Variants in CFAP57 observed in about 807,000 individuals in gnomAD.
The protein encoded by CFAP57 is cilia- and flagella-associated protein 57.
In CFAP57, 116 loss-of-function variants were observed where a neutral mutation model predicts 146.8. The ratio of observed to expected loss-of-function variants is 0.79; its 90% CI spans 0.68 to 0.92. The LOEUF (loss-of-function observed/expected upper bound fraction) is 0.92, where lower values mean the gene tolerates loss of function less well. Among genes scored for constraint, CFAP57 ranks in the 40% least tolerant of loss-of-function variants. CFAP57 has a pLI of 0.00. For synonymous variants in CFAP57, 518 were observed against 552.8 expected (o/e 0.94, Z 0.88); for missense variants, 1,377 against 1,527.2 (o/e 0.90, Z 1.64).
intron 22 of CFAP57, among the ~76,000 whole-genome samples, chr1:43,243,644 C>T (rs952015429): frequency 6.6e-6 from 1 of 152,184 alleles, no homozygotes; most frequent in African/African-American, 2.4e-5. Flanking sequence ...ATATAACATT[C>T]CCAGAGGGGT....
At position 43,234,403 on chromosome 1, in the gene CFAP57, G is replaced by A. The variant is rs769033375; in HGVS notation, c.3251G>A (p.Arg1084Gln). 1.0e-5 allele frequency: 16 copies of A among 1,548,576 alleles called. No homozygotes were observed. The highest frequency in any genetic ancestry group is 2.4e-5 in the East Asian group (1 of 40,922). The change falls in exon 20 of 23, where the codon CGA (arginine) becomes CAA (glutamine). Residue 1084 changes from arginine to glutamine, a missense_variant. By Grantham distance (43) the Arg-to-Gln change is conservative (BLOSUM62 1). Transcript: ENST00000372492. ...GGTCTCTTTGAGAAGTACGTGCAGC[G>A]AGCAGACATGGTAAGCTCAGCCTCC... is the stretch of plus-strand genomic sequence containing the variant. Reference protein sequence around the residue: ...VRGLFEKYVQRADMVEIAGLN... With the variant: ...VRGLFEKYVQQADMVEIAGLN...
rs887602149 is a variant in CFAP57, at chr1:43,201,617, C to G, written c.1542+2114C>G. On this transcript the variant is annotated intron_variant, in intron 9 of 22. Transcript: ENST00000372492. The surrounding 1 kb of genome is among the most constrained non-coding windows in gnomAD (Gnocchi z 4.4). ...TCTCCTGCCTCAGCCTCCCAAGTAA[C>G]ACAAACTCTTTTTTTGAGACAGAGT... 1.3e-5 allele frequency among the ~76,000 whole-genome samples: 2 copies of G among 152,120 alleles called. No homozygotes were observed. Among genetic ancestry groups the G allele is most frequent in the African/African-American group, 4.8e-5 (2 of 41,428 alleles).
intron 12 of CFAP57, among the ~76,000 whole-genome samples, chr1:43,216,348 C>A (rs539212422): frequency 6.6e-6 from 1 of 152,304 alleles, no homozygotes; most frequent in Non-Finnish European, 1.5e-5. Flanking sequence ...AGATCCCTTC[C>A]AGAGCTCCCT....
At position 43,231,338 on chromosome 1, in the gene CFAP57, A is replaced by G. The variant is rs187841497; in HGVS notation, c.3010-1170A>G. On this transcript the variant is annotated intron_variant, in intron 18 of 22. Coordinates refer to ENST00000372492, the MANE Select transcript of CFAP57 (RefSeq NM_001378189.1). ...GGGATAGACTAGAGGGGGAGGGTCT[A>G]CTCTACCTAGCCGTGAAAAAATCCA... 2.2e-4 allele frequency among the ~76,000 whole-genome samples: 34 copies of G among 151,982 alleles called. 1 individual carries two copies. In the East Asian group the frequency reaches 6.4e-3, roughly 29 times the overall value.
chr1:43,186,289 G>A (rs1643082618), intron 5 of CFAP57, among the ~76,000 whole-genome samples: 1 of 152,062 alleles, frequency 6.6e-6, no homozygotes, highest in Non-Finnish European at 1.5e-5. Flanking sequence ...TGGTCTGGGA[G>A]TCTGTAAGCT....
At chr1:43,195,519 C>T (rs183234707) in intron 6 of CFAP57, among the ~76,000 whole-genome samples, 1 of 138,794 alleles carries the variant, frequency 7.2e-6, no homozygotes, top group East Asian at 2.1e-4. Context: ...GACTCCATCT[C>T]AAAAGAAAAA....
chr1:43,193,043 C>T (rs1643645001), intron 6 of CFAP57, among the ~76,000 whole-genome samples: 1 of 152,154 alleles, frequency 6.6e-6, no homozygotes, highest in African/African-American at 2.4e-5. Context: ...TTTGGGTGCT[C>T]TATTTTTAGG....
At chr1:43,206,011 G>C (rs1201210127) in intron 9 of CFAP57, among the ~76,000 whole-genome samples, 1 of 152,140 alleles carries the variant, frequency 6.6e-6, no homozygotes. Context: ...TTTAGACAGG[G>C]TCTCACTCTG....
At chr1:43,226,892 G>C in intron 17 of CFAP57, 91 bp from the exon 18 acceptor site, 1 of 1,368,212 alleles carries the variant, frequency 7.3e-7, no homozygotes, top group Non-Finnish European at 9.6e-7. Flanking sequence ...TCAACCAGGA[G>C]AGTCACAGGC....
chr1:43,249,421 C>CTTT lies in CFAP57; in HGVS notation c.3539-4532_3539-4530dup, dbSNP rs60189164. On this transcript the variant is annotated intron_variant, in intron 22 of 22. Coordinates refer to ENST00000372492, the MANE Select transcript of CFAP57 (RefSeq NM_001378189.1). The stretch of plus-strand genomic sequence containing the variant: ...TTAGTTATTTCCTTCTTAACCATTT[C>CTTT]TTTTTTTTTTTTTTTTTTTTTTTTT... Among the ~76,000 whole-genome samples the CTTT allele has an allele frequency of 2.0e-3, 136 of 67,930 alleles. 25 individuals are homozygous for CTTT. The highest frequency in any genetic ancestry group is 5.0e-3 in the African/African-American group (89 of 17,912). The allele number at this position is 67,930 out of a possible 152,430, so 44.6% of individuals were successfully genotyped here.
At chr1:43,193,770 G>A (rs975586757) in intron 6 of CFAP57, among the ~76,000 whole-genome samples, 7 of 151,844 alleles carry the variant, frequency 4.6e-5, no homozygotes, top group Non-Finnish European at 8.8e-5. Flanking sequence ...AGAATGGGGA[G>A]CAATTATATA....
At chr1:43,204,344 A>T (rs972481712) in intron 9 of CFAP57, among the ~76,000 whole-genome samples, 1 of 152,184 alleles carries the variant, frequency 6.6e-6, no homozygotes, top group Non-Finnish European at 1.5e-5. Context: ...CTTCAAAGGC[A>T]ATTTCTATTG....
chr1:43,184,740 CTTTTTTTTTTTTTTT>C (rs57644418), intron 4 of CFAP57: 1 of 98,542 alleles, frequency 1.0e-5, no homozygotes, highest in Admixed American at 1.1e-4. Flanking sequence ...ATGGCATATC[CTTTTTTTTTTTTTTT>C]TTTTTTTTTT....
rs6413971 is a variant in CFAP57, at chr1:43,186,698, T to C, written c.970-9T>C. The C allele has an allele frequency of 1, 1,613,121 of 1,613,906 alleles. 806,170 individuals are homozygous for C. The highest frequency in any genetic ancestry group is 1 in the East Asian group (44,856 of 44,856). ...GACATTACTGATAGCTGTTTTGCAT[T>C]TTGGGCAGATTCCTGTGGACCCGCA... On this transcript the variant is annotated splice_polypyrimidine_tract_variant and intron_variant, in intron 5 of 22. Transcript: ENST00000372492.
intron 12 of CFAP57, among the ~76,000 whole-genome samples, chr1:43,217,128 G>A (rs1644864107): frequency 6.6e-6 from 1 of 152,202 alleles, no homozygotes; most frequent in South Asian, 2.1e-4. Flanking sequence ...GGATGAGGGA[G>A]TGGTGGTCTG....
In CFAP57 at chr1:43,197,575, A is replaced by G; in HGVS notation, c.1145A>G (p.Tyr382Cys). The G allele has an allele frequency of 6.2e-7, 1 of 1,614,048 alleles. No homozygotes were observed. Among genetic ancestry groups the G allele is most frequent in the South Asian group, 1.1e-5 (1 of 91,072 alleles). The change falls in exon 7 of 23, where the codon TAT (tyrosine) becomes TGT (cysteine). Residue 382 changes from tyrosine (Y) to cysteine (C), a missense_variant. Coordinates refer to ENST00000372492, the MANE Select transcript of CFAP57 (RefSeq NM_001378189.1). ...TAGGGGGAGCCTGCTCACTTTGAGT[A>G]TTTGATGTATCCATTGCACTCAGCA... The part of the protein sequence containing the change: ...ISKGEPAHFE[Y>C]LMYPLHSAPI...
chr1:43,250,435 C>T (rs1287219331), intron 22 of CFAP57: 1 of 152,204 alleles, frequency 6.6e-6, no homozygotes, highest in Non-Finnish European at 1.5e-5. Context: ...ATTAACCAGG[C>T]CCAACTCTGC....
rs371296714 is a variant in CFAP57 at position 43,204,361 on chromosome 1, T to A, written c.1543-2359T>A. 2.2e-4 allele frequency among the ~76,000 whole-genome samples: 33 copies of A among 152,268 alleles called. 1 individual carries two copies. Among genetic ancestry groups the A allele is most frequent in the Admixed American group, 1.2e-3 (18 of 15,290 alleles). ...TCAAAGGCAATTTCTATTGCCTGAA[T>A]GCTTTCTTTCTTTCTTTTTCTTATT... On this transcript the variant is annotated intron_variant, in intron 9 of 22. Coordinates refer to ENST00000372492, the MANE Select transcript of CFAP57 (RefSeq NM_001378189.1).
At chr1:43,191,354 G>A (rs1235470872) in intron 6 of CFAP57, among the ~76,000 whole-genome samples, 1 of 152,092 alleles carries the variant, frequency 6.6e-6, no homozygotes, top group Non-Finnish European at 1.5e-5. Flanking sequence ...TTGGGAGGCT[G>A]AGCCAGGCAG....
Sources: allele counts gnomAD v4.1 joint callset (sites outside exome capture counted in the v4.1 genomes callset), GRCh38; gene constraint gnomAD v4.1.1; non-coding constraint Gnocchi (gnomAD v3.1); transcripts MANE v1.5; gene names NCBI Gene and HGNC (gene_info 2026-07-23, HGNC 2026-07-21).